UGGT2: variants seen among roughly 807,000 people sequenced by gnomAD.
The protein encoded by UGGT2 is UDP-glucose:glycoprotein glucosyltransferase 2.
UGGT2 carries 180 observed loss-of-function variants against 192.1 expected under a neutral mutation model. That is an observed-to-expected ratio of 0.94 (90% confidence interval 0.83 to 1.06). The LOEUF (loss-of-function observed/expected upper bound fraction) is 1.06, where lower values mean the gene tolerates loss of function less well. Ranked by LOEUF, UGGT2 falls within the 50% of genes least tolerant of loss-of-function variation. The probability of loss-of-function intolerance (pLI) is 0.00; values close to 1 mark genes in which losing one functional copy is unlikely to be tolerated. For synonymous variants in UGGT2, 580 were observed against 591.0 expected (o/e 0.98, Z 0.27); for missense variants, 1,849 against 1,795.7 (o/e 1.03, Z -0.54).
At chr13:96,044,833 CA>C (rs1195021377) in intron 1 of UGGT2, among the ~76,000 whole-genome samples, 2 of 152,046 alleles carry the variant, frequency 1.3e-5, no homozygotes, top group Non-Finnish European at 2.9e-5. Context: ...CAATAGTAAG[CA>C]GCGAGATTAA....
chr13:96,008,271 T>C (rs953812399), intron 5 of UGGT2, among the ~76,000 whole-genome samples: 8 of 152,050 alleles, frequency 5.3e-5, no homozygotes, highest in Non-Finnish European at 8.8e-5. Context: ...TGGGAGAAAA[T>C]ATTTGACAAA....
At chr13:95,888,153 G>T (rs749003505) in intron 25 of UGGT2, among the ~76,000 whole-genome samples, 182 bp from the exon 26 acceptor site, 1 of 152,212 alleles carries the variant, frequency 6.6e-6, no homozygotes, top group African/African-American at 2.4e-5. Flanking sequence ...AGGTCACACA[G>T]AAACTCACAG....
chr13:95,930,033 G>T (rs994370735), intron 17 of UGGT2, among the ~76,000 whole-genome samples: 2 of 152,190 alleles, frequency 1.3e-5, no homozygotes, highest in African/African-American at 2.4e-5. Context: ...CTAAGGATTA[G>T]TAGTGTTGAA....
At chr13:95,933,126 T>C (rs1049158619) in intron 17 of UGGT2, among the ~76,000 whole-genome samples, 6 of 152,200 alleles carry the variant, frequency 3.9e-5, no homozygotes. Context: ...TCACTCCTCC[T>C]TGGTTTTTTG....
At chr13:95,924,238 C>T (rs1311151874) in intron 20 of UGGT2, among the ~76,000 whole-genome samples, 1 of 151,858 alleles carries the variant, frequency 6.6e-6, no homozygotes, top group Non-Finnish European at 1.5e-5. Context: ...GAAGAAGCAA[C>T]TAAATCAAGA....
intron 10 of UGGT2, among the ~76,000 whole-genome samples, chr13:95,979,800 G>GA (rs890531740): frequency 2.2e-4 from 33 of 150,580 alleles, no homozygotes; most frequent in African/African-American, 4.9e-4. Context: ...AAATCAGCAA[G>GA]AAAAAAAAAT....
At chr13:95,868,350 C>T (rs2140118727) in intron 29 of UGGT2, among the ~76,000 whole-genome samples, 1 of 152,230 alleles carries the variant, frequency 6.6e-6, no homozygotes, top group South Asian at 2.1e-4. Context: ...GACCCCAGCA[C>T]TTTGGGAGGC....
intron 29 of UGGT2, among the ~76,000 whole-genome samples, chr13:95,871,964 C>T (rs1311779558): frequency 2.0e-5 from 1 of 50,490 alleles, no homozygotes; most frequent in Non-Finnish European, 4.9e-5. Flanking sequence ...CATCTCTGTC[C>T]TTCCTCCTAC....
chr13:95,936,992 C>G lies in UGGT2; in HGVS notation c.1909G>C (p.Glu637Gln). 6.2e-7 allele frequency: 1 copy of G among 1,604,458 alleles called. No individual in the cohort carries two copies. The highest frequency in any genetic ancestry group is 1.7e-4 in the Middle Eastern group (1 of 6,036). Residue 637 changes from glutamate to glutamine, a missense_variant, in exon 17 of 39, where the codon GAA becomes CAA. Glu to Gln is a conservative substitution (Grantham distance 29). Transcript: ENST00000376747. Reference protein sequence around the residue: ...PFKHEEMNIKELKMAVLQRMM... With the variant: ...PFKHEEMNIKQLKMAVLQRMM... ...CTTTGAAGAACAGCCATTTTTAGTT[C>G]TTTAATATTCATCTCTTCATGTTTA...
intron 29 of UGGT2, among the ~76,000 whole-genome samples, chr13:95,869,712 A>G (rs1246514942): frequency 6.6e-6 from 1 of 152,216 alleles, no homozygotes; most frequent in Non-Finnish European, 1.5e-5. Flanking sequence ...CTCTGGATAC[A>G]TGAGGAAAAT....
At chr13:95,803,488 G>A (rs1045451524) in intron 38 of UGGT2, among the ~76,000 whole-genome samples, 1 of 151,882 alleles carries the variant, frequency 6.6e-6, no homozygotes. Flanking sequence ...TCGAACTCCC[G>A]ACCTCAGGTG....
intron 8 of UGGT2, 141 bp from the exon 9 acceptor site, chr13:95,986,573 T>A (rs2051296255): frequency 7.8e-6 from 4 of 514,454 alleles, no homozygotes; most frequent in African/African-American, 2.0e-5. Context: ...TCTGCATTTT[T>A]AAAAAGTTTT....
At chr13:95,849,929 T>G (rs1300907374) in intron 36 of UGGT2, among the ~76,000 whole-genome samples, 24 of 150,034 alleles carry the variant, frequency 1.6e-4, no homozygotes, top group South Asian at 2.1e-4. Flanking sequence ...GTTTTTTGTT[T>G]TTTTTTTTGG....
chr13:95,874,674 C>T (rs1206213545), intron 29 of UGGT2, among the ~76,000 whole-genome samples: 2 of 152,050 alleles, frequency 1.3e-5, no homozygotes, highest in African/African-American at 2.4e-5. Flanking sequence ...TCCCCTTCCT[C>T]CCCATCCCCT....
At chr13:96,017,393 T>A (rs2052373012) in intron 4 of UGGT2, among the ~76,000 whole-genome samples, 1 of 152,194 alleles carries the variant, frequency 6.6e-6, no homozygotes, top group African/African-American at 2.4e-5. Flanking sequence ...CTATGTGACG[T>A]GCCTGTTCCA....
intron 21 of UGGT2, among the ~76,000 whole-genome samples, chr13:95,902,130 C>G (rs2048121036): frequency 6.6e-6 from 1 of 152,088 alleles, no homozygotes; most frequent in South Asian, 2.1e-4. Context: ...AATATACGAC[C>G]AAGGCTGATC....
chr13:95,849,046 T>C (rs61972867), intron 36 of UGGT2, among the ~76,000 whole-genome samples: 5,510 of 152,272 alleles, frequency 0.036, 118 homozygotes, highest in African/African-American at 0.052. Context: ...TGATACTGTG[T>C]TTTTAATTTT....
rs148924598 is a variant in UGGT2 at position 95,903,220 on chromosome 13, A to T, written c.2296-160T>A. ...TGTACTAAATGTGATATACCACTGAAAAAGCCTAACAATCATTTTACTAAC... is the reference window on the plus strand; with the variant it reads ...TGTACTAAATGTGATATACCACTGATAAAGCCTAACAATCATTTTACTAAC... On this transcript the variant is annotated intron_variant, in intron 20 of 38. Coordinates refer to ENST00000376747, the MANE Select transcript of UGGT2 (RefSeq NM_020121.4). Among the ~76,000 whole-genome samples the T allele has an allele frequency of 3.3e-3, 506 of 152,290 alleles. 3 individuals carry two copies. Among genetic ancestry groups the T allele is most frequent in the African/African-American group, 0.012 (479 of 41,572 alleles).
At chr13:95,874,523 A>G (rs1477067090) in intron 29 of UGGT2, among the ~76,000 whole-genome samples, 1 of 152,180 alleles carries the variant, frequency 6.6e-6, no homozygotes, top group African/African-American at 2.4e-5. Flanking sequence ...ATGGTGTGAG[A>G]GGTCATCACA....
Sources: gnomAD v4.1 joint callset for allele counts (sites outside exome capture counted in the v4.1 genomes callset) on GRCh38, gnomAD v4.1.1 for gene constraint, MANE v1.5 for transcripts, NCBI Gene and HGNC (gene_info 2026-07-23, HGNC 2026-07-21) for gene names.